The following SCTR variants were observed in gnomAD, a reference collection of about 807,000 sequenced individuals.
SCTR encodes secretin receptor, also known as pancreatic secretin receptor.
A neutral mutation model predicts 60.8 loss-of-function variants in SCTR; 56 were observed. That is an observed-to-expected ratio of 0.92 (90% CI 0.74 to 1.15). SCTR has a LOEUF of 1.15. Ranked by LOEUF, SCTR falls within the 50% of genes most tolerant of loss-of-function variation. SCTR has a pLI of 0.00. For missense variants in SCTR, 562 were observed against 550.4 expected (o/e 1.02, Z -0.21); for synonymous variants, 202 against 217.0 (o/e 0.93, Z 0.61).
intron 6 of SCTR, 126 bp downstream of exon 6, chr2:119,463,997 C>A: frequency 1.0e-6 from 1 of 988,516 alleles, no homozygotes; most frequent in Non-Finnish European, 1.6e-6. Context: ...GCTGCTTTAT[C>A]CTTGGTATTA....
chr2:119,524,411 C>A lies in SCTR; in HGVS notation c.-185G>T, dbSNP rs1679389251. 5 of 391,010 alleles carry A rather than the reference C, an allele frequency of 1.3e-5. No homozygotes were observed. Among genetic ancestry groups the A allele is most frequent in the Non-Finnish European group, 1.8e-5 (4 of 223,916 alleles). 24.2% of individuals were successfully genotyped at this position (391,010 alleles called of 1,614,324 possible). ...TGCTCCTCCTCGGACCAGGTGGCCG[C>A]GCGCGCTAAGCCGCCCGCCCCATTG... On this transcript the variant is annotated 5_prime_UTR_variant, in exon 1 of 13. Coordinates refer to ENST00000019103, the MANE Select transcript of SCTR (RefSeq NM_002980.3).
chr2:119,521,437 A>C (rs1679283644), intron 1 of SCTR, among the ~76,000 whole-genome samples: 1 of 152,198 alleles, frequency 6.6e-6, no homozygotes, highest in Admixed American at 6.5e-5. Context: ...GTTCAAGTTC[A>C]AAGTGTGCAT....
intron 2 of SCTR, among the ~76,000 whole-genome samples, chr2:119,490,945 T>C (rs2104891037): frequency 6.6e-6 from 1 of 152,274 alleles, no homozygotes; most frequent in Non-Finnish European, 1.5e-5. Context: ...ATCCTCCAGC[T>C]CCTGTGCGAC....
chr2:119,517,348 A>C lies in SCTR; in HGVS notation c.72+6807T>G, dbSNP rs563159532. Among the ~76,000 whole-genome samples the C allele has an allele frequency of 3.3e-5, 5 of 152,212 alleles. No homozygotes were observed. In the East Asian group the frequency reaches 9.6e-4, roughly 29 times the overall value. ...CTAATTTTTAAAATTTTTTGTAGAG[A>C]CAAGGTCTCCTATGTTGCCCAGGCT... On this transcript the variant is annotated intron_variant, in intron 1 of 12. Transcript: ENST00000019103.
chr2:119,467,324 A>G (rs1014853526), intron 4 of SCTR, among the ~76,000 whole-genome samples: 1 of 151,792 alleles, frequency 6.6e-6, no homozygotes, highest in Non-Finnish European at 1.5e-5. Flanking sequence ...GGTTGCAGTG[A>G]GCTGAGATTG....
At chr2:119,490,289 T>C (rs1476953732) in intron 2 of SCTR, among the ~76,000 whole-genome samples, 1 of 152,220 alleles carries the variant, frequency 6.6e-6, no homozygotes, top group Non-Finnish European at 1.5e-5. Context: ...GTGCATGGGC[T>C]AAAGCACATT....
intron 1 of SCTR, among the ~76,000 whole-genome samples, chr2:119,501,408 TAA>T (rs1167077655): frequency 8.9e-5 from 12 of 134,986 alleles, no homozygotes; most frequent in Admixed American, 2.3e-4. Flanking sequence ...AGACTCCATC[TAA>T]AAAAAAAAAA....
At position 119,492,934 on chromosome 2, in the gene SCTR, T is replaced by C. The variant is rs1411407565; in HGVS notation, c.193+1494A>G. ...GGCTGGAGTGCAATGACATGATCTC[T>C]GCAGCCTCTACCTCCCGTGCTCAAG... On this transcript the variant is annotated intron_variant, in intron 2 of 12. Coordinates refer to ENST00000019103, the MANE Select transcript of SCTR (RefSeq NM_002980.3). Among the ~76,000 whole-genome samples, 10 of 152,134 alleles carry C rather than the reference T, an allele frequency of 6.6e-5. No individual in the cohort carries two copies. In the East Asian group the frequency reaches 1.7e-3, roughly 26 times the overall value.
intron 11 of SCTR, 91 bp from the exon 12 acceptor site, chr2:119,441,690 A>T: frequency 1.9e-6 from 2 of 1,077,942 alleles, no homozygotes; most frequent in Non-Finnish European, 2.8e-6. Flanking sequence ...CAGGTCTCTT[A>T]ATCACCAGCT....
At chr2:119,493,001 G>A (rs928389337) in intron 2 of SCTR, among the ~76,000 whole-genome samples, 4 of 152,000 alleles carry the variant, frequency 2.6e-5, no homozygotes, top group Non-Finnish European at 4.4e-5. Flanking sequence ...GGAATTACAG[G>A]TGCCCACCAC....
chr2:119,513,034 C>T lies in SCTR; in HGVS notation c.72+11121G>A, dbSNP rs1346698468. ...TCCTTGGAAACACTGTGGACCTAAA[C>T]AGCTTCTTGCCTGGTGGCCTTCACT... is the stretch of plus-strand genomic sequence containing the variant. On this transcript the variant is annotated intron_variant, in intron 1 of 12. Coordinates refer to ENST00000019103, the MANE Select transcript of SCTR (RefSeq NM_002980.3). Among the ~76,000 whole-genome samples the T allele has an allele frequency of 2.0e-5, 3 of 152,224 alleles. No homozygotes were observed. In the East Asian group the frequency reaches 5.8e-4, roughly 29 times the overall value.
In SCTR at chr2:119,519,801, A is replaced by G. The variant is rs1347468671; in HGVS notation, c.72+4354T>C. 4.3e-5 allele frequency among the ~76,000 whole-genome samples: 5 copies of G among 116,156 alleles called. No individual in the cohort carries two copies. The South Asian group carries it at 1.8e-3, about 41-fold the overall frequency. 76.2% of individuals were successfully genotyped at this position (116,156 alleles called of 152,430 possible). A position where few individuals can be genotyped will look rare whatever the true frequency, so the allele number is the denominator to read the frequency against. ...AGCCTAGGTGACAGAGTGAGATGAG[A>G]CTCTGTCTCAAAAAAAAAAAAAAAA... On this transcript the variant is annotated intron_variant, in intron 1 of 12. Transcript: ENST00000019103.
chr2:119,443,496 T>TC (rs1375341647), intron 11 of SCTR, among the ~76,000 whole-genome samples: 55 of 152,360 alleles, frequency 3.6e-4, no homozygotes, highest in Middle Eastern at 6.8e-3. Context: ...TTTCCTTATT[T>TC]CCCAAATTAT....
chr2:119,478,541 G>A (rs1412774172), intron 3 of SCTR, among the ~76,000 whole-genome samples: 1 of 152,194 alleles, frequency 6.6e-6, no homozygotes, highest in Admixed American at 6.5e-5. Context: ...GCTCCTAGCT[G>A]AAGGGCCTGG....
intron 7 of SCTR, among the ~76,000 whole-genome samples, chr2:119,454,698 A>C (rs922557628): frequency 1.3e-5 from 2 of 152,072 alleles, no homozygotes; most frequent in African/African-American, 2.4e-5. Flanking sequence ...TATTAAAAAA[A>C]CAAAAACTAG....
intron 7 of SCTR, among the ~76,000 whole-genome samples, chr2:119,456,870 T>A (rs896369313): frequency 2.0e-5 from 3 of 151,964 alleles, no homozygotes; most frequent in African/African-American, 4.8e-5. Context: ...TGTAAAGACA[T>A]AAGCAGGAAT....
chr2:119,453,620 C>T (rs1683258513), intron 7 of SCTR, among the ~76,000 whole-genome samples: 1 of 152,234 alleles, frequency 6.6e-6, no homozygotes, highest in Non-Finnish European at 1.5e-5. Context: ...CCAGGCCAGA[C>T]TCCAGAGGAC....
chr2:119,473,357 G>T, intron 4 of SCTR, 96 bp downstream of exon 4: 1 of 801,360 alleles, frequency 1.2e-6, no homozygotes, highest in Non-Finnish European at 2.1e-6. Flanking sequence ...CCAGGCCTGT[G>T]CCACCCTGTC....
At chr2:119,468,348 T>TA (rs1683924504) in intron 4 of SCTR, among the ~76,000 whole-genome samples, 2 of 152,172 alleles carry the variant, frequency 1.3e-5, no homozygotes, top group Admixed American at 6.5e-5. Flanking sequence ...TCACACAGTG[T>TA]ACTGTAGAGA....
Sources: gnomAD v4.1 joint callset for allele counts (sites outside exome capture counted in the v4.1 genomes callset) on GRCh38, gnomAD v4.1.1 for gene constraint, MANE v1.5 for transcripts, NCBI Gene and HGNC (gene_info 2026-07-23, HGNC 2026-07-21) for gene names.